KCNAB1: variants seen among roughly 807,000 people sequenced by gnomAD.
The protein encoded by KCNAB1 is voltage-gated potassium channel subunit beta-1.
In KCNAB1, 35 loss-of-function variants were observed where a neutral mutation model predicts 64.6. The ratio of observed to expected loss-of-function variants is 0.54; its 90% CI spans 0.41 to 0.72. The LOEUF (loss-of-function observed/expected upper bound fraction) is 0.72. KCNAB1 is among the 30% of genes least tolerant of loss of function. KCNAB1 has a pLI of 0.00. For missense variants in KCNAB1, 401 were observed against 512.9 expected (o/e 0.78, Z 2.11); for synonymous variants, 177 against 183.8 (o/e 0.96, Z 0.30).
intron 1 of KCNAB1, among the ~76,000 whole-genome samples, chr3:156,294,772 C>T (rs1251297038): frequency 6.6e-6 from 1 of 152,062 alleles, no homozygotes; most frequent in Non-Finnish European, 1.5e-5. Flanking sequence ...ATAGGCAGAG[C>T]TTTAAAGGGG....
chr3:156,474,249 C>T (rs1263608096), intron 7 of KCNAB1, among the ~76,000 whole-genome samples: 1 of 152,104 alleles, frequency 6.6e-6, no homozygotes, highest in African/African-American at 2.4e-5. Context: ...CCAACATTTA[C>T]ATTAAGATGG....
chr3:156,213,834 C>T (rs1210453448), intron 1 of KCNAB1, among the ~76,000 whole-genome samples: 1 of 152,166 alleles, frequency 6.6e-6, no homozygotes, highest in African/African-American at 2.4e-5. Context: ...GTGTCTTTTG[C>T]TCTAGTGAGG....
intron 1 of KCNAB1, among the ~76,000 whole-genome samples, chr3:156,252,545 A>G (rs962348864): frequency 6.6e-6 from 1 of 152,204 alleles, no homozygotes; most frequent in Non-Finnish European, 1.5e-5. Flanking sequence ...GGTATGCAAT[A>G]TATTTTATCT....
At chr3:156,390,314 C>T (rs961525754) in intron 1 of KCNAB1, among the ~76,000 whole-genome samples, 2 of 152,036 alleles carry the variant, frequency 1.3e-5, no homozygotes, top group South Asian at 2.1e-4. Context: ...AGAGAAGAGG[C>T]TAATTTTTGG....
At chr3:156,195,965 A>G (rs1713895761) in intron 1 of KCNAB1, among the ~76,000 whole-genome samples, 3 of 152,180 alleles carry the variant, frequency 2.0e-5, no homozygotes, top group African/African-American at 7.2e-5. Context: ...ATTTTTGTAT[A>G]AAGTGTAAGA....
chr3:156,511,060 T>G lies in KCNAB1; in HGVS notation c.659-3304T>G, dbSNP rs1717173751. Among the ~76,000 whole-genome samples, 5 of 152,320 alleles carry G rather than the reference T, an allele frequency of 3.3e-5. No individual in the cohort carries two copies. The South Asian group carries it at 8.3e-4, about 25-fold the overall frequency. On this transcript the variant is annotated intron_variant, in intron 8 of 13. Transcript: ENST00000490337. Reference sequence around the variant, plus strand: ...TGGCCCAGATTGCTCACTGTCGTATTTATCCAACTATTAAATATCCACTTG... The same window carrying G: ...TGGCCCAGATTGCTCACTGTCGTATGTATCCAACTATTAAATATCCACTTG...
intron 1 of KCNAB1, among the ~76,000 whole-genome samples, chr3:156,378,817 G>A (rs9874012): frequency 0.11 from 16,839 of 152,106 alleles, 3,077 homozygotes; most frequent in African/African-American, 0.38. Context: ...CCAGGAACGA[G>A]GAGGGTCAAG....
intron 2 of KCNAB1, among the ~76,000 whole-genome samples, chr3:156,434,421 C>A (rs183014919): frequency 1.1e-3 from 161 of 152,190 alleles, no homozygotes; most frequent in Admixed American, 2.0e-3. Context: ...ACAGCCCATA[C>A]GGAAGGTATA....
At chr3:156,377,235 A>G (rs566295008) in intron 1 of KCNAB1, among the ~76,000 whole-genome samples, 1 of 152,176 alleles carries the variant, frequency 6.6e-6, no homozygotes, top group African/African-American at 2.4e-5. Flanking sequence ...ACTAACTCTT[A>G]TTGGCTACAT....
intron 11 of KCNAB1, among the ~76,000 whole-genome samples, chr3:156,520,107 T>C (rs1717839808): frequency 6.6e-6 from 1 of 152,220 alleles, no homozygotes; most frequent in South Asian, 2.1e-4. Context: ...CTCATCTGAC[T>C]CATCACAGAG....
intron 2 of KCNAB1, among the ~76,000 whole-genome samples, chr3:156,448,176 T>C (rs1711727028): frequency 6.6e-6 from 1 of 152,258 alleles, no homozygotes; most frequent in Admixed American, 6.5e-5. Context: ...AGAGTTATCT[T>C]TATACTCTCC....
At chr3:156,322,238 C>A (rs1722705633) in intron 1 of KCNAB1, among the ~76,000 whole-genome samples, 1 of 152,212 alleles carries the variant, frequency 6.6e-6, no homozygotes, top group Admixed American at 6.5e-5. Context: ...GATTATTCTC[C>A]TGTCACTTTT....
chr3:156,346,603 A>G (rs1345424694), intron 1 of KCNAB1, among the ~76,000 whole-genome samples: 1 of 152,226 alleles, frequency 6.6e-6, no homozygotes, highest in African/African-American at 2.4e-5. Flanking sequence ...CTTATTATGT[A>G]CCAGTTTTTC....
chr3:156,466,418 T>A (rs1231248501), intron 7 of KCNAB1, among the ~76,000 whole-genome samples: 1 of 152,164 alleles, frequency 6.6e-6, no homozygotes, highest in African/African-American at 2.4e-5. Context: ...CTACTCTGAA[T>A]AATGCTGCTA....
chr3:156,474,682 G>C, intron 7 of KCNAB1, 52 bp from the exon 8 acceptor site: 1 of 1,315,524 alleles, frequency 7.6e-7, no homozygotes, highest in Non-Finnish European at 1.1e-6. Context: ...CTTCAACTCT[G>C]AATAGTGCTC....
intron 11 of KCNAB1, among the ~76,000 whole-genome samples, chr3:156,520,316 C>T (rs1413321430): frequency 6.6e-6 from 1 of 152,166 alleles, no homozygotes; most frequent in African/African-American, 2.4e-5. Context: ...TGTGGTGGCT[C>T]ATATCTGTAA....
At chr3:156,449,940 T>G (rs1052178176) in intron 2 of KCNAB1, among the ~76,000 whole-genome samples, 1 of 152,208 alleles carries the variant, frequency 6.6e-6, no homozygotes, top group Non-Finnish European at 1.5e-5. Context: ...TAAGCAGAGA[T>G]AGGGCTATCC....
At chr3:156,523,255 A>G (rs1718075424) in intron 11 of KCNAB1, among the ~76,000 whole-genome samples, 1 of 152,228 alleles carries the variant, frequency 6.6e-6, no homozygotes. Flanking sequence ...AGTACCTATC[A>G]GTTATGCCAT....
intron 1 of KCNAB1, among the ~76,000 whole-genome samples, chr3:156,354,120 GTATATATA>G (rs34730584): frequency 3.0e-5 from 4 of 132,562 alleles, no homozygotes; most frequent in Admixed American, 1.5e-4. Flanking sequence ...ATGTGTGTGT[GTATATATA>G]TATATATATA....
Sources: gnomAD v4.1 joint callset for allele counts (sites outside exome capture counted in the v4.1 genomes callset) on GRCh38, gnomAD v4.1.1 for gene constraint, MANE v1.5 for transcripts, NCBI Gene and HGNC (gene_info 2026-07-23, HGNC 2026-07-21) for gene names.